SAXO1: variants seen among roughly 807,000 people sequenced by gnomAD.
SAXO1 encodes the protein 4930500O09Rik.
In SAXO1, 21 loss-of-function variants were observed where a neutral mutation model predicts 17.5. The ratio of observed to expected loss-of-function variants is 1.20; its 90% CI spans 0.85 to 1.72. The LOEUF (loss-of-function observed/expected upper bound fraction) is 1.72, where lower values mean the gene tolerates loss of function less well. SAXO1 is among the 40% of genes most tolerant of loss of function. SAXO1 has a pLI of 0.00. For synonymous variants in SAXO1, 274 were observed against 216.5 expected (o/e 1.27, Z -2.33); for missense variants, 843 against 596.0 (o/e 1.41, Z -4.32).
At chr9:18,970,479 T>C (rs529997885) in intron 1 of SAXO1, among the ~76,000 whole-genome samples, 3 of 152,184 alleles carry the variant, frequency 2.0e-5, no homozygotes, top group Non-Finnish European at 2.9e-5. Context: ...ACTCCTCCTG[T>C]CCTCTCCTAG....
intron 1 of SAXO1, among the ~76,000 whole-genome samples, chr9:18,992,043 A>T (rs887656509): frequency 6.6e-6 from 1 of 152,200 alleles, no homozygotes; most frequent in Non-Finnish European, 1.5e-5. Flanking sequence ...GCACGATTTA[A>T]TCCTCAGAAC....
At chr9:18,939,817 T>G (rs897718139) in intron 3 of SAXO1, among the ~76,000 whole-genome samples, 1 of 152,216 alleles carries the variant, frequency 6.6e-6, no homozygotes, top group African/African-American at 2.4e-5. Flanking sequence ...AATGATATGA[T>G]TAGACAAAAT....
intron 1 of SAXO1, among the ~76,000 whole-genome samples, chr9:19,022,545 T>G (rs56708128): frequency 0.017 from 2,599 of 152,286 alleles, 74 homozygotes; most frequent in African/African-American, 0.058. Flanking sequence ...TGCAGAAGAC[T>G]TGAAATGCAT....
rs747497079 is a variant in SAXO1 at position 18,950,910 on chromosome 9, G to C, written c.66C>G (p.Thr22=). ...GTTTCTCTGTTTTATCATAAATCTT[G>C]GTAGGGAGATGTGGACAGTGATGCC... ...CGRHHCPHLP[T]KIYDKTEKPC... is the part of the protein sequence containing the mutation. Residue 22 remains threonine, a synonymous_variant, in exon 2 of 4, where the codon ACC becomes ACG. Transcript: ENST00000380534. 6.2e-6 allele frequency: 10 copies of C among 1,612,796 alleles called. No homozygotes were observed. In the South Asian group the frequency reaches 8.8e-5, roughly 14 times the overall value.
In SAXO1 at chr9:19,027,806, C is replaced by A; in HGVS notation, c.38+5065G>T. On this transcript the variant is annotated intron_variant, in intron 1 of 3. Coordinates refer to ENST00000380534, the MANE Select transcript of SAXO1 (RefSeq NM_153707.4). ...GCTGGATGGCTTCCAGCCCAACACC[C>A]AAGTTAAGGTAATTGCAGTCACAAA... The A allele has an allele frequency of 2.0e-6, 3 of 1,508,424 alleles. No homozygotes were observed. The South Asian group carries it at 3.6e-5, about 18-fold the overall frequency. 93.4% of individuals were successfully genotyped at this position (1,508,424 alleles called of 1,614,324 possible).
At chr9:19,028,023 G>T in intron 1 of SAXO1, 1 of 1,608,046 alleles carries the variant, frequency 6.2e-7, no homozygotes, top group South Asian at 1.1e-5. Context: ...CTGTGGAGGC[G>T]GGTATGATCG....
intron 1 of SAXO1, among the ~76,000 whole-genome samples, chr9:18,959,639 C>A (rs748393360): frequency 1.2e-4 from 19 of 152,020 alleles, no homozygotes; most frequent in Non-Finnish European, 2.4e-4. Context: ...GGTGTGGTGG[C>A]AGATGTCTTT....
chr9:18,966,267 T>C (rs546531731), intron 1 of SAXO1, among the ~76,000 whole-genome samples: 1 of 152,346 alleles, frequency 6.6e-6, no homozygotes, highest in South Asian at 2.1e-4. Flanking sequence ...CTGTATTTCC[T>C]GAATTTGAAT....
intron 1 of SAXO1, among the ~76,000 whole-genome samples, chr9:18,988,217 A>T (rs1359901857): frequency 6.6e-6 from 1 of 152,262 alleles, no homozygotes; most frequent in African/African-American, 2.4e-5. Flanking sequence ...GCAATAAAAA[A>T]GCATTTATCA....
intron 1 of SAXO1, among the ~76,000 whole-genome samples, chr9:19,029,261 G>C (rs1249779541): frequency 6.6e-6 from 1 of 152,158 alleles, no homozygotes; most frequent in African/African-American, 2.4e-5. Context: ...AGAAGAGAAT[G>C]TGAGAGAGAA....
At chr9:19,014,899 T>G (rs1418946984) in intron 1 of SAXO1, among the ~76,000 whole-genome samples, 4 of 152,110 alleles carry the variant, frequency 2.6e-5, no homozygotes, top group Non-Finnish European at 5.9e-5. Flanking sequence ...ACAAGACCAG[T>G]GAAGAGACCT....
chr9:19,010,153 AACAACAAC>A (rs1834667869), intron 1 of SAXO1, among the ~76,000 whole-genome samples: 1 of 27,848 alleles, frequency 3.6e-5, no homozygotes, highest in East Asian at 9.0e-4. Flanking sequence ...AAAAAAAAAC[AACAACAAC>A]AACAAAAACA....
At chr9:18,961,870 G>A (rs1309550934) in intron 1 of SAXO1, among the ~76,000 whole-genome samples, 1 of 152,012 alleles carries the variant, frequency 6.6e-6, no homozygotes, top group East Asian at 1.9e-4. Flanking sequence ...GGGATTGCTG[G>A]GTCAAATGGT....
chr9:19,044,138 T>TA lies in SAXO1; in HGVS notation c.-158+5070dup, dbSNP rs34434046. On this transcript the variant is annotated intron_variant, in intron 1 of 3. Transcript: ENST00000542071. ...TGGGCAATGGAGTGAGACTCTGTCT[T>TA]AAAAAAAAAAAACAATTGGATTGTT... Among the ~76,000 whole-genome samples the TA allele has an allele frequency of 5.6e-4, 82 of 146,844 alleles. 1 individual carries two copies. The highest frequency in any genetic ancestry group is 4.2e-3 in the East Asian group (21 of 4,966).
chr9:18,987,896 CAAAA>C (rs55775001), intron 1 of SAXO1, among the ~76,000 whole-genome samples: 1 of 136,330 alleles, frequency 7.3e-6, no homozygotes. Context: ...GACCCTGTCT[CAAAA>C]AAAAAAAAAG....
chr9:19,042,548 T>A (rs1412398039), intron 1 of SAXO1, among the ~76,000 whole-genome samples: 1 of 152,214 alleles, frequency 6.6e-6, no homozygotes, highest in Non-Finnish European at 1.5e-5. Flanking sequence ...AATCTAAGTG[T>A]CTATTAACAG....
intron 1 of SAXO1, among the ~76,000 whole-genome samples, chr9:18,978,750 T>G (rs1458991669): frequency 6.6e-6 from 1 of 152,204 alleles, no homozygotes; most frequent in Non-Finnish European, 1.5e-5. Flanking sequence ...GAAGATATTA[T>G]CAACAGTTTG....
chr9:19,043,153 CAG>C (rs756350393), intron 1 of SAXO1, among the ~76,000 whole-genome samples: 1 of 151,860 alleles, frequency 6.6e-6, no homozygotes, highest in Non-Finnish European at 1.5e-5. Flanking sequence ...GCCTGAGCAA[CAG>C]AGCAAAACCC....
At position 19,032,718 on chromosome 9, in the gene SAXO1, A is replaced by G. The variant is rs1382526115; in HGVS notation, c.38+153T>C. Reference sequence around the variant, plus strand: ...GAACTGATGTGGCGTCCGCGGGCACAACGCTAGTTGACACAATTGTGGCTT... The same window carrying G: ...GAACTGATGTGGCGTCCGCGGGCACGACGCTAGTTGACACAATTGTGGCTT... On this transcript the variant is annotated intron_variant, in intron 1 of 3. Transcript: ENST00000380534. Among the ~76,000 whole-genome samples, 3 of 152,252 alleles carry G rather than the reference A, an allele frequency of 2.0e-5. No individual in the cohort carries two copies. The East Asian group carries it at 5.8e-4, about 29-fold the overall frequency.
Sources: allele counts gnomAD v4.1 joint callset (sites outside exome capture counted in the v4.1 genomes callset), GRCh38; gene constraint gnomAD v4.1.1; transcripts MANE v1.5; gene names NCBI Gene and HGNC (gene_info 2026-07-23, HGNC 2026-07-21).